Variants in SLC75A1 observed in about 807,000 individuals in gnomAD.
SLC75A1 encodes the protein solute carrier family 75 member 1.
chr4:2,931,201 G>T, the SLC75A1 span: 4 of 1,559,612 alleles, frequency 2.6e-6, no homozygotes, highest in Non-Finnish European at 3.5e-6. Context: ...CGCTCAGGTG[G>T]CTTCGGCCGA....
chr4:2,932,039 CCTTA>C, the SLC75A1 span: 2 of 1,610,726 alleles, frequency 1.2e-6, no homozygotes. Context: ...TTGGTCGAGT[CCTTA>C]CTGTCTCCAG....
chr4:2,933,364 G>T, the SLC75A1 span, among the ~76,000 whole-genome samples: 1 of 152,248 alleles, frequency 6.6e-6, no homozygotes, highest in Non-Finnish European at 1.5e-5. Context: ...GGCCCCAATG[G>T]AGAGATGAGG....
At chr4:2,933,347 C>T in the SLC75A1 span, 1 of 983,460 alleles carries the variant, frequency 1.0e-6, no homozygotes, top group Non-Finnish European at 1.5e-6. Context: ...GGCCCTTGAG[C>T]CGAGGGGGCC....
chr4:2,930,886 G>A, the SLC75A1 span: 746 of 1,613,000 alleles, frequency 4.6e-4, 1 homozygote, highest in Admixed American at 6.5e-4. Context: ...TCTGCAGGAG[G>A]AAGAAGGGGA....
At chr4:2,933,064 G>A in the SLC75A1 span, 1 of 1,579,384 alleles carries the variant, frequency 6.3e-7, no homozygotes, top group African/African-American at 1.3e-5. Context: ...CTGGCTGGGT[G>A]GGAGGAGGCT....
At chr4:2,933,162 G>C in the SLC75A1 span, 1 of 1,613,726 alleles carries the variant, frequency 6.2e-7, no homozygotes, top group Non-Finnish European at 8.5e-7. Context: ...GCCCCAGTGA[G>C]TGGCGCACAC....
chr4:2,932,222 A>G, the SLC75A1 span: 1 of 1,551,716 alleles, frequency 6.4e-7, no homozygotes, highest in Non-Finnish European at 8.7e-7. Flanking sequence ...CTGTGGCCTC[A>G]AGGGTCCCAA....
the SLC75A1 span, chr4:2,931,832 A>T: frequency 5.6e-6 from 9 of 1,601,494 alleles, no homozygotes; most frequent in Non-Finnish European, 6.8e-6. Flanking sequence ...CACCTACTGA[A>T]CTGGAAGCGC....
At chr4:2,931,121 C>T in the SLC75A1 span, 6 of 1,581,284 alleles carry the variant, frequency 3.8e-6, no homozygotes, top group Admixed American at 1.1e-4. Flanking sequence ...CGCAGTGTAC[C>T]CATGACCGTG....
At chr4:2,933,914 C>T in the SLC75A1 span, 2 of 1,564,706 alleles carry the variant, frequency 1.3e-6, no homozygotes, top group East Asian at 2.4e-5. Flanking sequence ...CCACCCCCTC[C>T]CCATCCCATG....
the SLC75A1 span, chr4:2,933,069 G>A: frequency 6.3e-7 from 1 of 1,593,140 alleles, no homozygotes; most frequent in South Asian, 1.1e-5. Context: ...TGGGTGGGAG[G>A]AGGCTTCCCC....
At chr4:2,932,172 A>G in the SLC75A1 span, 1 of 1,593,392 alleles carries the variant, frequency 6.3e-7, no homozygotes, top group Non-Finnish European at 8.5e-7. Flanking sequence ...ATGGCATTGG[A>G]GAGCCTGCAG....
At chr4:2,933,908 C>G in the SLC75A1 span, 1 of 1,567,346 alleles carries the variant, frequency 6.4e-7, no homozygotes, top group East Asian at 2.4e-5. Flanking sequence ...CAGCCTCCAC[C>G]CCCTCCCCAT....
At chr4:2,931,196 A>T in the SLC75A1 span, 3 of 1,559,146 alleles carry the variant, frequency 1.9e-6, no homozygotes, top group Non-Finnish European at 2.6e-6. Context: ...TCTCCCGCTC[A>T]GGTGGCTTCG....
the SLC75A1 span, chr4:2,933,910 C>G: frequency 8.9e-6 from 14 of 1,565,346 alleles, no homozygotes; most frequent in African/African-American, 1.8e-4. Flanking sequence ...GCCTCCACCC[C>G]CTCCCCATCC....
chr4:2,930,704 C>T, the SLC75A1 span: 1 of 960,002 alleles, frequency 1.0e-6, no homozygotes, highest in Non-Finnish European at 1.5e-6. Context: ...GCTGCCTGAG[C>T]TTCCTGCTTA....
chr4:2,934,104 C>T, the SLC75A1 span: 1 of 668,212 alleles, frequency 1.5e-6, no homozygotes, highest in South Asian at 1.9e-5. Flanking sequence ...ATGCCCCCGC[C>T]CCGAACCCAG....
At chr4:2,933,352 G>C in the SLC75A1 span, 2 of 986,522 alleles carry the variant, frequency 2.0e-6, no homozygotes, top group South Asian at 3.1e-5. Flanking sequence ...TTGAGCCGAG[G>C]GGGCCCCAAT....
At chr4:2,931,459 G>A in the SLC75A1 span, 11 of 1,572,256 alleles carry the variant, frequency 7.0e-6, no homozygotes, top group African/African-American at 1.2e-4. Flanking sequence ...ACCAGCAGCA[G>A]GAGGGCCTGC....
Sources: gnomAD v4.1 joint callset for allele counts (sites outside exome capture counted in the v4.1 genomes callset) on GRCh38, gnomAD v4.1.1 for gene constraint, MANE v1.5 for transcripts, NCBI Gene and HGNC (gene_info 2026-07-23, HGNC 2026-07-21) for gene names.